The following ZRANB3 variants were observed in gnomAD, a reference collection of about 807,000 sequenced individuals.
ZRANB3 encodes the protein DNA annealing helicase and endonuclease ZRANB3.
Under a neutral mutation model 133.8 loss-of-function variants are expected in ZRANB3, and 125 were observed. The ratio of observed to expected loss-of-function variants is 0.93; its 90% CI spans 0.81 to 1.08. The LOEUF (loss-of-function observed/expected upper bound fraction) is 1.08, where lower values mean the gene tolerates loss of function less well. Among genes scored for constraint, ZRANB3 ranks in the 50% least tolerant of loss-of-function variants. ZRANB3 has a pLI of 0.00. For missense variants in ZRANB3, 1,229 were observed against 1,275.5 expected (o/e 0.96, Z 0.56); for synonymous variants, 387 against 432.7 (o/e 0.89, Z 1.31).
At position 135,315,490 on chromosome 2, in the gene ZRANB3, A is replaced by G. The variant is rs1479510249; in HGVS notation, c.718T>C (p.Ser240Pro). The G allele has an allele frequency of 1.3e-6, 2 of 1,589,784 alleles. No individual in the cohort carries two copies. The highest frequency in any genetic ancestry group is 2.3e-5 in the East Asian group (1 of 43,616). ...AGCTGGTGAAGTTCATTAAGATTTG[A>G]TGCCCCTCTACAATCCCACTGAGGT... ...KRPQWDCRGA[S>P]NLNELHQLLS... Residue 240 changes from serine (S) to proline (P), a missense_variant, in exon 7 of 21, where the codon TCA becomes CCA. Transcript: ENST00000264159.
rs7579261 is a variant in ZRANB3 at position 135,354,553 on chromosome 2, A to G, written c.181-925T>C. Among the ~76,000 whole-genome samples the G allele has an allele frequency of 3.3e-3, 496 of 152,356 alleles. 3 individuals are homozygous for G. The highest frequency in any genetic ancestry group is 0.011 in the African/African-American group (470 of 41,580). On this transcript the variant is annotated intron_variant, in intron 3 of 20. Coordinates refer to ENST00000264159, the MANE Select transcript of ZRANB3 (RefSeq NM_032143.4). ...AATGTACTTCACCTGTGCATGAATA[A>G]TCAAATGATGTCATATTCATACAAT...
At chr2:135,224,795 A>G (rs1694694962) in intron 14 of ZRANB3, among the ~76,000 whole-genome samples, 1 of 152,236 alleles carries the variant, frequency 6.6e-6, no homozygotes, top group Non-Finnish European at 1.5e-5. Flanking sequence ...GTTGGTAGGC[A>G]TAAGGAAGAA....
chr2:135,286,374 T>C (rs13023281), intron 8 of ZRANB3, among the ~76,000 whole-genome samples: 27,579 of 152,196 alleles, frequency 0.18, 3,754 homozygotes, highest in Non-Finnish European at 0.29. Context: ...ACATCCCAGG[T>C]TCACGCAATT....
At chr2:135,257,367 C>CT (rs1558867141) in intron 12 of ZRANB3, among the ~76,000 whole-genome samples, 1 of 152,060 alleles carries the variant, frequency 6.6e-6, no homozygotes, top group South Asian at 2.1e-4. Flanking sequence ...TTTGGTCTAA[C>CT]TTTTTTTGGC....
At chr2:135,282,231 C>A (rs1249927926) in intron 8 of ZRANB3, among the ~76,000 whole-genome samples, 1 of 152,070 alleles carries the variant, frequency 6.6e-6, no homozygotes, top group Non-Finnish European at 1.5e-5. Flanking sequence ...GAGCCAAGTA[C>A]CAAAGTAAAG....
At chr2:135,504,572 T>C (rs1215796876) in intron 1 of ZRANB3, 76 bp from the exon 2 acceptor site, 4 of 1,249,194 alleles carry the variant, frequency 3.2e-6, no homozygotes, top group Non-Finnish European at 4.3e-6. Flanking sequence ...GAATCACATA[T>C]AAATAATATT....
rs573727451 is a variant in ZRANB3, at chr2:135,292,285, A to T, written c.967-16530T>A. 8.6e-3 allele frequency among the ~76,000 whole-genome samples: 1,315 copies of T among 152,252 alleles called. 18 individuals carry two copies. The highest frequency in any genetic ancestry group is 0.028 in the African/African-American group (1,182 of 41,550). ...GTTTCCTGACATTTTAATGATCGCC[A>T]TTCTAACTGGTGTGAGATGGTATCT... is the stretch of plus-strand genomic sequence containing the variant. On this transcript the variant is annotated intron_variant, in intron 8 of 20. Transcript: ENST00000264159.
chr2:135,481,576 T>G (rs1691812715), intron 2 of ZRANB3, among the ~76,000 whole-genome samples: 1 of 151,982 alleles, frequency 6.6e-6, no homozygotes, highest in African/African-American at 2.4e-5. Flanking sequence ...GCCTGTTCAC[T>G]CTGATGGTAG....
In ZRANB3 at chr2:135,207,925, TA is replaced by T. The variant is rs1433615698; in HGVS notation, c.2607-90del. 15 of 1,247,178 alleles carry T rather than the reference TA, an allele frequency of 1.2e-5. No homozygotes were observed. In the East Asian group the frequency reaches 3.4e-4, roughly 29 times the overall value. 77.3% of individuals were successfully genotyped at this position (1,247,178 alleles called of 1,614,324 possible). ...CATATAAAGGTTATCAAAGTTTCAA[TA>T]CGGATAAATAGTAAACACAGATCAC... On this transcript the variant is annotated intron_variant, in intron 18 of 20. Coordinates refer to ENST00000264159, the MANE Select transcript of ZRANB3 (RefSeq NM_032143.4).
At chr2:135,288,873 CGTGTGTGTGTGTGT>C (rs57200280) in intron 8 of ZRANB3, among the ~76,000 whole-genome samples, 10 of 141,296 alleles carry the variant, frequency 7.1e-5, no homozygotes, top group East Asian at 2.0e-4. Flanking sequence ...CTTCATTTAT[CGTGTGTGTGTGTGT>C]GTGTGTGTGT....
chr2:135,375,608 C>A (rs543324588), intron 3 of ZRANB3, among the ~76,000 whole-genome samples: 7 of 152,012 alleles, frequency 4.6e-5, no homozygotes, highest in Non-Finnish European at 8.8e-5. Context: ...TGGCGTGAAC[C>A]TGGGAGGCGG....
intron 2 of ZRANB3, among the ~76,000 whole-genome samples, chr2:135,455,171 CTTTTTTTTTTTTTTTTTTTT>C (rs1166170814): frequency 4.5e-4 from 17 of 37,560 alleles, no homozygotes; most frequent in Non-Finnish European, 8.3e-4. Flanking sequence ...CCTTCTTATA[CTTTTTTTTTTTTTTTTTTTT>C]TTTTTTTTTT....
chr2:135,500,009 G>A (rs757811837), intron 2 of ZRANB3, among the ~76,000 whole-genome samples: 7 of 152,124 alleles, frequency 4.6e-5, no homozygotes, highest in Non-Finnish European at 1.0e-4. Flanking sequence ...GGAAGACAAT[G>A]TGAATAGAAA....
intron 2 of ZRANB3, among the ~76,000 whole-genome samples, chr2:135,420,613 G>A (rs192794223): frequency 1.1e-3 from 164 of 152,256 alleles, no homozygotes; most frequent in Middle Eastern, 6.8e-3. Flanking sequence ...AGGCTGAAGT[G>A]TGCATGGTAA....
At chr2:135,402,549 C>T (rs898425351) in intron 2 of ZRANB3, among the ~76,000 whole-genome samples, 6 of 151,774 alleles carry the variant, frequency 4.0e-5, no homozygotes, top group African/African-American at 1.5e-4. Flanking sequence ...CCAACTCGGC[C>T]TCCCAATGTG....
In ZRANB3 at chr2:135,390,923, C is replaced by T. The variant is rs530816004; in HGVS notation, c.162-103G>A. On this transcript the variant is annotated intron_variant, in intron 2 of 20. Coordinates refer to ENST00000264159, the MANE Select transcript of ZRANB3 (RefSeq NM_032143.4). ...GTCACCAGGCTGGAGTGCAGTGGTG[C>T]GATCTCAGCTCACTGCAACCTCTGT... 2.1e-5 allele frequency: 25 copies of T among 1,208,440 alleles called. 1 individual carries two copies. Among genetic ancestry groups the T allele is most frequent in the East Asian group, 1.2e-4 (4 of 34,282 alleles). The allele number at this position is 1,208,440 out of a possible 1,614,324, so 74.9% of individuals were successfully genotyped here. A position where few individuals can be genotyped will look rare whatever the true frequency, so the allele number is the denominator to read the frequency against.
chr2:135,380,996 C>T (rs1422019383), intron 3 of ZRANB3, among the ~76,000 whole-genome samples: 1 of 152,110 alleles, frequency 6.6e-6, no homozygotes, highest in Non-Finnish European at 1.5e-5. Flanking sequence ...GATTGTGGGA[C>T]AGTGGGTGCA....
chr2:135,468,025 A>G (rs559115976), intron 2 of ZRANB3, among the ~76,000 whole-genome samples: 2 of 152,320 alleles, frequency 1.3e-5, no homozygotes, highest in South Asian at 4.1e-4. Flanking sequence ...TTCTTTATAA[A>G]GTTGGTAGAT....
At chr2:135,393,252 T>C (rs1289432514) in intron 2 of ZRANB3, among the ~76,000 whole-genome samples, 1 of 152,182 alleles carries the variant, frequency 6.6e-6, no homozygotes, top group Non-Finnish European at 1.5e-5. Flanking sequence ...TTTATTACAT[T>C]CTTTGTAAAC....
Sources: allele counts gnomAD v4.1 joint callset (sites outside exome capture counted in the v4.1 genomes callset), GRCh38; gene constraint gnomAD v4.1.1; transcripts MANE v1.5; gene names NCBI Gene and HGNC (gene_info 2026-07-23, HGNC 2026-07-21).